The following DDX10 variants were observed in gnomAD, a reference collection of about 807,000 sequenced individuals.
DDX10 encodes the protein DEAD-box helicase 10.
A neutral mutation model predicts 104.3 loss-of-function variants in DDX10; 74 were observed. That is an observed-to-expected ratio of 0.71 (90% CI 0.59 to 0.86). The LOEUF is 0.86. Ranked by LOEUF, DDX10 falls within the 40% of genes least tolerant of loss-of-function variation. The probability of loss-of-function intolerance (pLI) is 0.00; values close to 1 mark genes in which losing one functional copy is unlikely to be tolerated. For missense variants in DDX10, 952 were observed against 1,040.0 expected (o/e 0.92, Z 1.16); for synonymous variants, 351 against 353.4 (o/e 0.99, Z 0.08).
intron 13 of DDX10, among the ~76,000 whole-genome samples, chr11:108,802,175 C>T (rs1041797283): frequency 4.6e-5 from 7 of 151,912 alleles, no homozygotes; most frequent in Admixed American, 2.0e-4. Flanking sequence ...ACCAGAAGTG[C>T]TTTGGGTTTT....
intron 7 of DDX10, among the ~76,000 whole-genome samples, chr11:108,691,385 C>T (rs2094252279): frequency 1.3e-5 from 2 of 152,102 alleles, no homozygotes; most frequent in Non-Finnish European, 2.9e-5. Context: ...TTTATGGGTA[C>T]AAAAAGAGAA....
In DDX10 at chr11:108,803,598, A is replaced by AAAG. The variant is rs1555027134; in HGVS notation, c.1966-34846_1966-34845insGAA. Among the ~76,000 whole-genome samples, 97 of 138,658 alleles carry AAAG rather than the reference A, an allele frequency of 7.0e-4. 3 individuals are homozygous for AAAG. The highest frequency in any genetic ancestry group is 1.2e-3 in the Non-Finnish European group (75 of 65,014). 91.0% of individuals were successfully genotyped at this position (138,658 alleles called of 152,430 possible). On this transcript the variant is annotated intron_variant, in intron 13 of 17. Coordinates refer to ENST00000322536, the MANE Select transcript of DDX10 (RefSeq NM_004398.4). Reference sequence around the variant, plus strand: ...AACAAGAGCGAAAAAAAAAAAAAAAAAAAAGAAAAAAATCTTTGTTTTTCC... The same window carrying AAAG: ...AACAAGAGCGAAAAAAAAAAAAAAAAAAGAAAAGAAAAAAATCTTTGTTTTTCC...
chr11:108,901,247 C>A (rs953485937), intron 16 of DDX10, among the ~76,000 whole-genome samples: 1 of 152,222 alleles, frequency 6.6e-6, no homozygotes, highest in African/African-American at 2.4e-5. Context: ...CCCAAAGTCC[C>A]TTACCATGCG....
chr11:108,720,784 G>A (rs1373722015), intron 12 of DDX10, among the ~76,000 whole-genome samples: 2 of 151,886 alleles, frequency 1.3e-5, no homozygotes, highest in African/African-American at 4.8e-5. Context: ...GTAGAGATAG[G>A]GTTTCGCCAT....
intron 6 of DDX10, among the ~76,000 whole-genome samples, chr11:108,685,778 A>G (rs1287890123): frequency 1.3e-5 from 2 of 152,202 alleles, no homozygotes; most frequent in Non-Finnish European, 2.9e-5. Context: ...CCAAACATTC[A>G]TTCCTAAAGA....
intron 1 of DDX10, among the ~76,000 whole-genome samples, chr11:108,672,331 A>G (rs201937404): frequency 6.6e-6 from 1 of 152,132 alleles, no homozygotes; most frequent in East Asian, 1.9e-4. Context: ...TTTAGCTGAT[A>G]ATACCACGAG....
At chr11:108,772,212 A>G (rs1004208833) in intron 13 of DDX10, among the ~76,000 whole-genome samples, 5 of 152,256 alleles carry the variant, frequency 3.3e-5, no homozygotes, top group African/African-American at 1.2e-4. Flanking sequence ...TGCAAGAGAT[A>G]CACCCATGAC....
Position 108,783,200 on chromosome 11 carries a change from CTGTT to C in DDX10, c.1966-55244_1966-55241del, listed in dbSNP as rs570717748. On this transcript the variant is annotated intron_variant, in intron 13 of 17. Coordinates refer to ENST00000322536, the MANE Select transcript of DDX10 (RefSeq NM_004398.4). ...CTGTGAGCTTTTTAAAGATATGAGA[CTGTT>C]TCAGTCATCTTTATACATCAAGTGC... Among the ~76,000 whole-genome samples, 500 of 152,202 alleles carry C rather than the reference CTGTT, an allele frequency of 3.3e-3. 1 individual carries two copies. The highest frequency in any genetic ancestry group is 0.011 in the African/African-American group (470 of 41,536).
intron 16 of DDX10, among the ~76,000 whole-genome samples, chr11:108,899,762 G>C (rs1863490868): frequency 6.6e-6 from 1 of 152,116 alleles, no homozygotes; most frequent in Admixed American, 6.5e-5. Context: ...ATTCCTCATG[G>C]CTTGGTGCTG....
At chr11:108,711,396 G>A (rs1475450970) in intron 10 of DDX10, among the ~76,000 whole-genome samples, 1 of 152,192 alleles carries the variant, frequency 6.6e-6, no homozygotes, top group Non-Finnish European at 1.5e-5. Context: ...GCAGTGGCAC[G>A]ATCTCGGCTC....
At chr11:108,909,810 A>G (rs1294594238) in intron 16 of DDX10, among the ~76,000 whole-genome samples, 2 of 152,140 alleles carry the variant, frequency 1.3e-5, no homozygotes, top group Admixed American at 6.5e-5. Flanking sequence ...GACACCATGC[A>G]TTTGATGTTA....
chr11:108,876,199 A>T (rs560484801), intron 16 of DDX10, among the ~76,000 whole-genome samples: 12 of 152,028 alleles, frequency 7.9e-5, no homozygotes, highest in Non-Finnish European at 1.2e-4. Context: ...TTTGGTGTTG[A>T]TTTTTGTGAT....
At chr11:108,929,044 G>A (rs147071179) in intron 17 of DDX10, among the ~76,000 whole-genome samples, 4 of 152,282 alleles carry the variant, frequency 2.6e-5, no homozygotes, top group South Asian at 4.1e-4. Context: ...GAGAGTCCAC[G>A]TTACCAAATT....
At chr11:108,909,428 G>T (rs1863639012) in intron 16 of DDX10, among the ~76,000 whole-genome samples, 1 of 70,032 alleles carries the variant, frequency 1.4e-5, no homozygotes, top group African/African-American at 5.6e-5. Flanking sequence ...CCCCACTCCC[G>T]CCCCTTCCCT....
chr11:108,666,604 C>T (rs1267733350), intron 1 of DDX10, among the ~76,000 whole-genome samples: 3 of 152,186 alleles, frequency 2.0e-5, no homozygotes, highest in Non-Finnish European at 4.4e-5. Context: ...TTGCTCCCTC[C>T]AGAGGTTCTA....
intron 13 of DDX10, among the ~76,000 whole-genome samples, chr11:108,759,242 T>C (rs1350301552): frequency 6.6e-6 from 1 of 152,114 alleles, no homozygotes; most frequent in African/African-American, 2.4e-5. Context: ...AAAACTTTGC[T>C]TAAGTTTCTT....
intron 13 of DDX10, among the ~76,000 whole-genome samples, chr11:108,738,555 A>G (rs1422151566): frequency 6.6e-6 from 1 of 152,104 alleles, no homozygotes; most frequent in East Asian, 1.9e-4. Flanking sequence ...CCAGTGTGTC[A>G]ACTAGCACCA....
chr11:108,834,712 C>T (rs1052661354), intron 13 of DDX10, among the ~76,000 whole-genome samples: 1 of 151,844 alleles, frequency 6.6e-6, no homozygotes, highest in African/African-American at 2.4e-5. Flanking sequence ...TAAGAATTGT[C>T]CTAGCCAGAT....
chr11:108,871,237 A>C (rs781388325), intron 16 of DDX10, among the ~76,000 whole-genome samples: 2 of 152,066 alleles, frequency 1.3e-5, no homozygotes, highest in African/African-American at 2.4e-5. Context: ...CAAGCATGAC[A>C]CTTAGGTGAG....
Sources: gnomAD v4.1 joint callset for allele counts (sites outside exome capture counted in the v4.1 genomes callset) on GRCh38, gnomAD v4.1.1 for gene constraint, MANE v1.5 for transcripts, NCBI Gene and HGNC (gene_info 2026-07-23, HGNC 2026-07-21) for gene names.